NR1I3: variants seen among roughly 807,000 people sequenced by gnomAD.
NR1I3 encodes nuclear receptor subfamily 1 group I member 3.
NR1I3 carries 30 observed loss-of-function variants against 38.4 expected under a neutral mutation model. That is an observed-to-expected ratio of 0.78 (90% confidence interval 0.58 to 1.06). The LOEUF (loss-of-function observed/expected upper bound fraction) is 1.06. NR1I3 is among the 50% of genes least tolerant of loss of function. NR1I3 has a pLI of 0.00. For missense variants in NR1I3, 388 were observed against 435.7 expected (o/e 0.89, Z 0.97); for synonymous variants, 143 against 165.1 (o/e 0.87, Z 1.03).
chr1:161,231,494 A>C lies in NR1I3; in HGVS notation c.549-20T>G, dbSNP rs750508394. ...AGGGAACTGTGGAAAGCAGGAAACA[A>C]GGACACTTTTCAATTTTTTTTTTTC... On this transcript the variant is annotated intron_variant, in intron 5 of 8. Coordinates refer to ENST00000367983, the MANE Select transcript of NR1I3 (RefSeq NM_005122.5). 6.4e-7 allele frequency: 1 copy of C among 1,574,326 alleles called. No homozygotes were observed. Among genetic ancestry groups the C allele is most frequent in the Non-Finnish European group, 8.5e-7 (1 of 1,170,774 alleles).
rs1265293251 is a variant in NR1I3, at chr1:161,229,701, C to G, written c.*96G>C. The G allele has an allele frequency of 1.5e-5, 25 of 1,614,040 alleles. No individual in the cohort carries two copies. The highest frequency in any genetic ancestry group is 1.9e-5 in the Non-Finnish European group (23 of 1,180,012). ...AGTCTTTCATTGCAACCACTGGGCT[C>G]CCTTTGAACCCGGCCCAATCTTTGG... is the stretch of plus-strand genomic sequence containing the variant. On this transcript the variant is annotated 3_prime_UTR_variant, in exon 9 of 9. Coordinates refer to ENST00000367983, the MANE Select transcript of NR1I3 (RefSeq NM_005122.5).
chr1:161,235,909 T>A lies in NR1I3; in HGVS notation c.176A>T (p.Gln59Leu), dbSNP rs762865830. ...CCTGCAGGCTGGGCAGTGGCGCCTC[T>A]GAGTCTTGCTGACTTCACAGCTTCC... Reference protein sequence around the residue: ...FAGSCEVSKTQRRHCPACRLQ... With the variant: ...FAGSCEVSKTLRRHCPACRLQ... Residue 59 changes from glutamine (Q) to leucine (L), a missense_variant, in exon 3 of 9, where the codon CAG becomes CTG. Physicochemically the swap from Gln to Leu is moderately radical, Grantham distance 113. Transcript: ENST00000367983. 5 of 1,613,606 alleles carry A rather than the reference T, an allele frequency of 3.1e-6. No individual in the cohort carries two copies. The highest frequency in any genetic ancestry group is 4.2e-6 in the Non-Finnish European group (5 of 1,179,792).
chr1:161,233,425 GC>G, intron 3 of NR1I3, 87 bp from the exon 4 acceptor site: 1 of 1,430,302 alleles, frequency 7.0e-7, no homozygotes, highest in Non-Finnish European at 9.6e-7. Context: ...CCCCTCAGCT[GC>G]CCTGCACAAC....
chr1:161,232,732 G>C (rs1667634478), intron 5 of NR1I3, 75 bp downstream of exon 5: 1 of 1,430,202 alleles, frequency 7.0e-7, no homozygotes, highest in African/African-American at 1.4e-5. Flanking sequence ...ATAATTTGTA[G>C]TCAGTGACTT....
chr1:161,234,781 T>A (rs1333216779), intron 3 of NR1I3, among the ~76,000 whole-genome samples: 1 of 152,198 alleles, frequency 6.6e-6, no homozygotes, highest in Admixed American at 6.5e-5. Flanking sequence ...TTTGGGAGCA[T>A]AGCACAGTTA....
rs368521829 is a variant in NR1I3, at chr1:161,229,674, T to C, written c.*123A>G. 29 of 1,613,836 alleles carry C rather than the reference T, an allele frequency of 1.8e-5. No individual in the cohort carries two copies. In the African/African-American group the frequency reaches 3.2e-4, roughly 18 times the overall value. ...ACCGCATGAAGAGGCAGTTATTGCT[T>C]TAGTCTTTCATTGCAACCACTGGGC... On this transcript the variant is annotated 3_prime_UTR_variant, in exon 9 of 9. Transcript: ENST00000367983.
rs35103872 is a variant in NR1I3 at position 161,229,991 on chromosome 1, C to T, written c.918-65G>A. ...GAAATAAGGCAGTTGGGAGTCTTGT[C>T]TCTAGGCCCTGATCCCCTGAACTAT... On this transcript the variant is annotated intron_variant, in intron 8 of 8. Coordinates refer to ENST00000367983, the MANE Select transcript of NR1I3 (RefSeq NM_005122.5). 5,424 of 1,582,716 alleles carry T rather than the reference C, an allele frequency of 3.4e-3. 157 individuals are homozygous for T. In the African/African-American group the frequency reaches 0.061, roughly 18 times the overall value.
At chr1:161,230,713 T>A in intron 8 of NR1I3, 100 bp downstream of exon 8, 1 of 1,532,358 alleles carries the variant, frequency 6.5e-7, no homozygotes, top group Non-Finnish European at 8.9e-7. Flanking sequence ...CTGAATTCCC[T>A]AAGGAAAGGA....
At chr1:161,230,183 T>A in intron 8 of NR1I3, 1 of 476,038 alleles carries the variant, frequency 2.1e-6, no homozygotes. Context: ...TGAAGAAAGC[T>A]CCAGACTTGG....
intron 3 of NR1I3, among the ~76,000 whole-genome samples, chr1:161,234,082 C>G (rs1265479730): frequency 1.3e-5 from 2 of 151,880 alleles, no homozygotes; most frequent in African/African-American, 2.4e-5. Flanking sequence ...ACCTCTGCCC[C>G]CTGGGTTCAA....
intron 3 of NR1I3, 22 bp downstream of exon 3, chr1:161,235,825 G>C: frequency 6.2e-7 from 1 of 1,613,754 alleles, no homozygotes. Flanking sequence ...ATGGATTCTT[G>C]AGATGTAGGG....
At chr1:161,237,468 C>G (rs1450447825) in intron 1 of NR1I3, among the ~76,000 whole-genome samples, 1 of 151,620 alleles carries the variant, frequency 6.6e-6, no homozygotes, top group East Asian at 2.0e-4. Flanking sequence ...GCCTGTAATT[C>G]CAGCACTTTG....
chr1:161,237,531 A>G (rs571728424), intron 1 of NR1I3, among the ~76,000 whole-genome samples: 10 of 151,716 alleles, frequency 6.6e-5, no homozygotes, highest in Non-Finnish European at 1.2e-4. Flanking sequence ...CATCCTGGCC[A>G]TCATGGTGAA....
chr1:161,232,107 C>A (rs1458940197), intron 5 of NR1I3, among the ~76,000 whole-genome samples: 2 of 151,880 alleles, frequency 1.3e-5, no homozygotes, highest in African/African-American at 4.8e-5. Context: ...CTGCCTCAGC[C>A]TCCTGAGAAG....
rs1667664999 is a variant in NR1I3 at position 161,232,842 on chromosome 1, T to G, written c.513A>C (p.Gln171His). Reference sequence around the variant, plus strand: ...GCAGGTCCTTAGTAAACTTGATGACTTGCAGTACCATGAAAGTGTTGATGT... The same window carrying G: ...GCAGGTCCTTAGTAAACTTGATGACGTGCAGTACCATGAAAGTGTTGATGT... Reference protein sequence around the residue: ...FADINTFMVLQVIKFTKDLPV... With the variant: ...FADINTFMVLHVIKFTKDLPV... The change falls in exon 5 of 9, where the codon CAA becomes CAC. Residue 171 changes from glutamine to histidine, a missense_variant. Transcript: ENST00000367983. 6.2e-7 allele frequency: 1 copy of G among 1,614,084 alleles called. No homozygotes were observed. Among genetic ancestry groups the G allele is most frequent in the Non-Finnish European group, 8.5e-7 (1 of 1,180,022 alleles).
Position 161,232,833 on chromosome 1 carries a change from C to T in NR1I3, c.522G>A (p.Lys174=), listed in dbSNP as rs1449563261. The T allele has an allele frequency of 1.2e-6, 2 of 1,614,098 alleles. No homozygotes were observed. Among genetic ancestry groups the T allele is most frequent in the Non-Finnish European group, 1.7e-6 (2 of 1,180,042 alleles). Residue 174 remains lysine, a synonymous_variant, in exon 5 of 9, where the codon AAG becomes AAA. Coordinates refer to ENST00000367983, the MANE Select transcript of NR1I3 (RefSeq NM_005122.5). ...GGAAGACGGGCAGGTCCTTAGTAAA[C>T]TTGATGACTTGCAGTACCATGAAAG... The part of the protein sequence containing the change: ...INTFMVLQVI[K]FTKDLPVFRS...
At chr1:161,233,441 G>T in intron 3 of NR1I3, 103 bp from the exon 4 acceptor site, 1 of 1,234,222 alleles carries the variant, frequency 8.1e-7, no homozygotes, top group Non-Finnish European at 1.1e-6. Context: ...CACAACGAAG[G>T]ATGGGGGCAG....
rs1667755582 is a variant in NR1I3 at position 161,233,270 on chromosome 1, G to T, written c.307C>A (p.Pro103Thr). ...KQAQRRAQQT[P>T]VQLSKEQEEL... ...TCTTGCTCCTTACTCAGTTGCACAG[G>T]TGTTTGCTGTGCCCGCCGCTGGGCC... The change falls in exon 4 of 9, where the codon CCT (proline) becomes ACT (threonine). Residue 103 changes from proline to threonine, a missense_variant. Coordinates refer to ENST00000367983, the MANE Select transcript of NR1I3 (RefSeq NM_005122.5). 1 of 1,613,982 alleles carries T rather than the reference G, an allele frequency of 6.2e-7. No individual in the cohort carries two copies. The highest frequency in any genetic ancestry group is 8.5e-7 in the Non-Finnish European group (1 of 1,180,006).
chr1:161,231,296 C>T (rs1288612235), intron 6 of NR1I3, 33 bp downstream of exon 6: 1 of 1,609,380 alleles, frequency 6.2e-7, no homozygotes. Flanking sequence ...ACCATGAGGA[C>T]ACATGCCCCC....
Sources: gnomAD v4.1 joint callset for allele counts (sites outside exome capture counted in the v4.1 genomes callset) on GRCh38, gnomAD v4.1.1 for gene constraint, MANE v1.5 for transcripts, NCBI Gene and HGNC (gene_info 2026-07-23, HGNC 2026-07-21) for gene names.